RPS14: variants seen among roughly 807,000 people sequenced by gnomAD.
RPS14 encodes ribosomal protein S14.
RPS14 carries 1 observed loss-of-function variant against 15.4 expected under a neutral mutation model. The observed-to-expected ratio is 0.07, with a 90% CI of 0.02 to 0.31. The LOEUF is 0.31. Ranked by LOEUF, RPS14 falls within the 10% of genes least tolerant of loss-of-function variation. The probability of loss-of-function intolerance (pLI) is 1.00; values close to 1 mark genes in which losing one functional copy is unlikely to be tolerated. For missense variants in RPS14, 69 were observed against 205.5 expected (o/e 0.34, Z 4.06); for synonymous variants, 68 against 74.4 (o/e 0.91, Z 0.44).
At chr5:150,449,548 A>G (rs934954157) in intron 1 of RPS14, 155 bp downstream of exon 1, 1 of 152,232 alleles carries the variant, frequency 6.6e-6, no homozygotes, top group Non-Finnish European at 1.5e-5. Flanking sequence ...AACGAACTCA[A>G]TCCCGAGTTG....
chr5:150,447,753 A>T lies in RPS14; in HGVS notation c.-2-18T>A. On this transcript the variant is annotated intron_variant, in intron 1 of 4. Coordinates refer to ENST00000407193, the MANE Select transcript of RPS14 (RefSeq NM_005617.4). ...TGCCATTTCTGAGTGGAAGGAAAAG[A>T]AACTCAAGGTTAACAGACAAAACAT... 1 of 1,610,736 alleles carries T rather than the reference A, an allele frequency of 6.2e-7. No individual in the cohort carries two copies. The highest frequency in any genetic ancestry group is 8.5e-7 in the Non-Finnish European group (1 of 1,177,352).
chr5:150,445,810 C>T, intron 3 of RPS14, 125 bp from the exon 4 acceptor site: 1 of 757,372 alleles, frequency 1.3e-6, no homozygotes. Flanking sequence ...CCAGACAGGG[C>T]TGTACACAGT....
At chr5:150,447,905 A>C in intron 1 of RPS14, 170 bp from the exon 2 acceptor site, 1 of 704,146 alleles carries the variant, frequency 1.4e-6, no homozygotes, top group South Asian at 2.0e-5. Context: ...TTCTCCTTGC[A>C]CTTGGGGGGG....
rs943941465 is a variant in RPS14, at chr5:150,443,171, T to A, written c.*1115A>T. 3 of 140,282 alleles carry A rather than the reference T, an allele frequency of 2.1e-5. No individual in the cohort carries two copies. Among genetic ancestry groups the A allele is most frequent in the East Asian group, 4.2e-4 (2 of 4,744 alleles). 8.7% of individuals were successfully genotyped at this position (140,282 alleles called of 1,614,324 possible). On this transcript the variant is annotated 3_prime_UTR_variant, in exon 5 of 5. Coordinates refer to ENST00000407193, the MANE Select transcript of RPS14 (RefSeq NM_005617.4). ...ATATTTTTTTTGCAAGCTTTTTTTT[T>A]TTATTATACTTTAAGTTTTAGGGTA...
chr5:150,445,129 T>C (rs1771055341), intron 4 of RPS14, among the ~76,000 whole-genome samples: 1 of 152,218 alleles, frequency 6.6e-6, no homozygotes, highest in South Asian at 2.1e-4. Context: ...GAAAGACTAC[T>C]GTTCCCTTCC....
intron 4 of RPS14, 98 bp from the exon 5 acceptor site, chr5:150,444,451 T>C (rs553436993): frequency 3.1e-6 from 3 of 969,256 alleles, no homozygotes; most frequent in East Asian, 4.9e-5. Flanking sequence ...CAACAGATCC[T>C]GCTGCTCCCC....
rs1771084910 is a variant in RPS14, at chr5:150,446,092, A to G, written c.312-407T>C. ...GGGTGAGAGTGAGACCCTGTCTCAAAAAAGAGGAAAAAAAAAAAAGCCAGA... is the reference window on the plus strand; with the variant it reads ...GGGTGAGAGTGAGACCCTGTCTCAAGAAAGAGGAAAAAAAAAAAAGCCAGA... On this transcript the variant is annotated intron_variant, in intron 3 of 4. Transcript: ENST00000407193. The surrounding 1 kb of genome is among the most constrained non-coding windows in gnomAD (Gnocchi z 4.2). Among the ~76,000 whole-genome samples, 1 of 142,526 alleles carries G rather than the reference A, an allele frequency of 7.0e-6. No individual in the cohort carries two copies. The highest frequency in any genetic ancestry group is 1.6e-5 in the Non-Finnish European group (1 of 62,808). The allele number at this position is 142,526 out of a possible 152,430, so 93.5% of individuals were successfully genotyped here. A position where few individuals can be genotyped will look rare whatever the true frequency, so the allele number is the denominator to read the frequency against.
At chr5:150,449,522 G>A (rs772653077) in intron 1 of RPS14, 181 bp downstream of exon 1, 1 of 152,158 alleles carries the variant, frequency 6.6e-6, no homozygotes, top group Non-Finnish European at 1.5e-5. Flanking sequence ...AGCAAAACGG[G>A]CCTTCTGAGA....
intron 4 of RPS14, 92 bp from the exon 5 acceptor site, chr5:150,444,445 A>AG: frequency 3.9e-6 from 4 of 1,027,250 alleles, no homozygotes; most frequent in Non-Finnish European, 6.0e-6. Flanking sequence ...AATCAGCAAC[A>AG]GATCCTGCTG....
chr5:150,444,364 G>A lies in RPS14; in HGVS notation c.389-11C>T, dbSNP rs1322323362. ...TGGGGGTGACATCCTCTGTGGGGAG[G>A]AAGAGAAAGCGTCATTGCCTGGAGC... On this transcript the variant is annotated splice_polypyrimidine_tract_variant and intron_variant, in intron 4 of 4. Coordinates refer to ENST00000407193, the MANE Select transcript of RPS14 (RefSeq NM_005617.4). 6.2e-7 allele frequency: 1 copy of A among 1,606,812 alleles called. No individual in the cohort carries two copies. The highest frequency in any genetic ancestry group is 2.2e-5 in the East Asian group (1 of 44,694).
intron 4 of RPS14, among the ~76,000 whole-genome samples, chr5:150,445,052 C>T (rs1771051882): frequency 1.3e-5 from 2 of 152,214 alleles, no homozygotes; most frequent in Non-Finnish European, 2.9e-5. Flanking sequence ...TCAAGTAGGA[C>T]ACAGTAGGAA....
chr5:150,449,634 C>T (rs1230722921), intron 1 of RPS14, 69 bp downstream of exon 1: 2 of 152,330 alleles, frequency 1.3e-5, no homozygotes, highest in Non-Finnish European at 2.9e-5. Context: ...ACCCCCGTCT[C>T]TCGTCCCAAG....
intron 4 of RPS14, chr5:150,444,648 G>T: frequency 1.7e-6 from 1 of 603,224 alleles, no homozygotes; most frequent in Non-Finnish European, 3.1e-6. Flanking sequence ...TTCTCTAGAG[G>T]AAAAAACCCT....
chr5:150,447,239 ATC>A (rs1324841324), intron 2 of RPS14: 1 of 532,908 alleles, frequency 1.9e-6, no homozygotes, highest in Non-Finnish European at 3.3e-6. Flanking sequence ...AAAACTCAGA[ATC>A]TGAGTGATTT....
At chr5:150,448,183 CAGCCCTCA>C (rs1423050540) in intron 1 of RPS14, 2 of 156,108 alleles carry the variant, frequency 1.3e-5, no homozygotes, top group African/African-American at 4.8e-5. Flanking sequence ...CTTACCAACA[CAGCCCTCA>C]AGCCTCTCAT....
chr5:150,448,268 A>C (rs989396204), intron 1 of RPS14: 1 of 152,802 alleles, frequency 6.5e-6, no homozygotes, highest in Admixed American at 6.5e-5. Context: ...TTTGACTCCC[A>C]CAACTATTTA....
intron 3 of RPS14, 47 bp from the exon 4 acceptor site, chr5:150,445,732 TG>T: frequency 6.9e-7 from 1 of 1,440,142 alleles, no homozygotes; most frequent in Non-Finnish European, 9.7e-7. Context: ...GCCAAGTCAA[TG>T]GAAGATCTCC....
chr5:150,445,436 G>T (rs759909896), intron 4 of RPS14, 173 bp downstream of exon 4: 9 of 716,924 alleles, frequency 1.3e-5, no homozygotes, highest in Non-Finnish European at 2.1e-5. Context: ...AGGTGACAGA[G>T]ATATTCAGGG....
At chr5:150,447,098 T>C in intron 2 of RPS14, 135 bp from the exon 3 acceptor site, 1 of 983,116 alleles carries the variant, frequency 1.0e-6, no homozygotes, top group Non-Finnish European at 1.5e-6. Context: ...TGGAGTTCAG[T>C]CCAGTGGGGT....
Sources: allele counts gnomAD v4.1 joint callset (sites outside exome capture counted in the v4.1 genomes callset), GRCh38; gene constraint gnomAD v4.1.1; non-coding constraint Gnocchi (gnomAD v3.1); transcripts MANE v1.5; gene names NCBI Gene and HGNC (gene_info 2026-07-23, HGNC 2026-07-21).